LRP8: variants seen among roughly 807,000 people sequenced by gnomAD.
LRP8 encodes low-density lipoprotein receptor-related protein 8.
A neutral mutation model predicts 111.6 loss-of-function variants in LRP8; 46 were observed. That is an observed-to-expected ratio of 0.41 (90% CI 0.33 to 0.53). LRP8 has a LOEUF of 0.53. LRP8 is among the 20% of genes least tolerant of loss of function. The pLI, the probability that LRP8 is intolerant of heterozygous loss-of-function variation, is 0.20. For missense variants in LRP8, 959 were observed against 1,297.4 expected, an observed-to-expected ratio of 0.74 and a Z score of 4.01; for synonymous variants, 464 against 511.2, an observed-to-expected ratio of 0.91 and a Z score of 1.24.
intron 6 of LRP8, 53 bp from the exon 7 acceptor site, chr1:53,271,399 C>CTAGGACCTAGAGCCCAGG: frequency 6.2e-7 from 1 of 1,609,904 alleles, no homozygotes; most frequent in South Asian, 1.1e-5. Context: ...GGAGTGGGGG[C>CTAGGACCTAGAGCCCAGG]AGGGCAGGGG....
At chr1:53,289,781 T>C in intron 2 of LRP8, 92 bp from the exon 3 acceptor site, 1 of 1,537,112 alleles carries the variant, frequency 6.5e-7, no homozygotes, top group Non-Finnish European at 8.8e-7. Flanking sequence ...AACCAGGCCA[T>C]GGACTGCCTT....
intron 2 of LRP8, among the ~76,000 whole-genome samples, chr1:53,290,399 G>A (rs768668420): frequency 6.6e-6 from 1 of 152,142 alleles, no homozygotes; most frequent in Admixed American, 6.5e-5. Context: ...GACAAAAGGC[G>A]GTGAGGAGGA....
intron 13 of LRP8, among the ~76,000 whole-genome samples, chr1:53,258,769 G>T (rs938284436): frequency 6.6e-6 from 1 of 150,430 alleles, no homozygotes; most frequent in African/African-American, 2.5e-5. Context: ...CTCTAGCCCC[G>T]CTATTACCTT....
chr1:53,265,628 G>T (rs1001785326), intron 9 of LRP8, among the ~76,000 whole-genome samples: 2 of 152,108 alleles, frequency 1.3e-5, no homozygotes, highest in African/African-American at 4.8e-5. Flanking sequence ...TATGTTTTTG[G>T]GTGTGTGTGA....
At chr1:53,298,968 CCT>C (rs1650278634) in intron 2 of LRP8, among the ~76,000 whole-genome samples, 1 of 152,264 alleles carries the variant, frequency 6.6e-6, no homozygotes, top group African/African-American at 2.4e-5. Context: ...AAGGGGCAGG[CCT>C]CTCTGGGCTC....
rs1389447767 is a variant in LRP8, at chr1:53,264,245, C to G, written c.1579G>C (p.Asp527His). 27 of 1,614,064 alleles carry G rather than the reference C, an allele frequency of 1.7e-5. No individual in the cohort carries two copies. Among genetic ancestry groups the G allele is most frequent in the Middle Eastern group, 1.6e-4 (1 of 6,082 alleles). ...AAGAGAGTGCGTCGGCGGCCACCATCAACTGTGGCCACTGAGATGGTCTTA... is the reference window on the plus strand; with the variant it reads ...AAGAGAGTGCGTCGGCGGCCACCATGAACTGTGGCCACTGAGATGGTCTTA... ...GNKTISVATV[D>H]GGRRRTLFSR... The change falls in exon 10 of 19, where the codon GAT becomes CAT. Residue 527 changes from aspartate (D) to histidine (H), a missense_variant. This residue lies in a region of LRP8 where 819 missense variants were observed against 1,097.6 expected (regional missense o/e 0.75). Transcript: ENST00000306052.
At position 53,277,089 on chromosome 1, in the gene LRP8, C is replaced by T; in HGVS notation, c.497-11G>A. On this transcript the variant is annotated splice_polypyrimidine_tract_variant and intron_variant, in intron 4 of 18. Coordinates refer to ENST00000306052, the MANE Select transcript of LRP8 (RefSeq NM_004631.5). Reference sequence around the variant, plus strand: ...CGTGCGGGGCGCACACTGCGCGGGACAGAGAGCCGGTCGGCCCGCCGACCC... The same window carrying T: ...CGTGCGGGGCGCACACTGCGCGGGATAGAGAGCCGGTCGGCCCGCCGACCC... 6.7e-7 allele frequency: 1 copy of T among 1,486,218 alleles called. No individual in the cohort carries two copies. Among genetic ancestry groups the T allele is most frequent in the Middle Eastern group, 2.3e-4 (1 of 4,286 alleles). 92.1% of individuals were successfully genotyped at this position (1,486,218 alleles called of 1,614,324 possible).
intron 3 of LRP8, among the ~76,000 whole-genome samples, chr1:53,286,177 G>T (rs995548427): frequency 1.3e-5 from 2 of 152,208 alleles, no homozygotes; most frequent in Non-Finnish European, 2.9e-5. Context: ...GGCTCCGGTG[G>T]TGAGAACTGC....
At chr1:53,319,691 G>T (rs932808148) in intron 2 of LRP8, among the ~76,000 whole-genome samples, 8 of 152,246 alleles carry the variant, frequency 5.3e-5, no homozygotes, top group Non-Finnish European at 1.2e-4. Flanking sequence ...CGGCTGCGGG[G>T]TGATTACTGG....
rs1364989952 is a variant in LRP8, at chr1:53,250,126, A to G, written c.2676+564T>C. Among the ~76,000 whole-genome samples, 3 of 152,230 alleles carry G rather than the reference A, an allele frequency of 2.0e-5. No individual in the cohort carries two copies. Among genetic ancestry groups the G allele is most frequent in the African/African-American group, 4.8e-5 (2 of 41,462 alleles). On this transcript the variant is annotated intron_variant, in intron 17 of 18. Transcript: ENST00000306052. The surrounding 1 kb of genome is among the most constrained non-coding windows in gnomAD (Gnocchi z 4.6). ...ATTCAGCACACAATTATACCACTGT[A>G]TGTTAGTATCTCTAACTCCCTACCA...
At chr1:53,312,973 T>C (rs1011608748) in intron 2 of LRP8, among the ~76,000 whole-genome samples, 1 of 152,222 alleles carries the variant, frequency 6.6e-6, no homozygotes, top group African/African-American at 2.4e-5. Context: ...GCTCACCCCT[T>C]GCTCCTGTGA....
chr1:53,310,493 C>T (rs1239032219), intron 2 of LRP8, among the ~76,000 whole-genome samples: 2 of 152,222 alleles, frequency 1.3e-5, no homozygotes, highest in Non-Finnish European at 2.9e-5. Context: ...CTGCCTGGCA[C>T]AGTGAGGGCT....
rs1371923906 is a variant in LRP8 at position 53,289,436 on chromosome 1, A to T, written c.367+131T>A. On this transcript the variant is annotated intron_variant, in intron 3 of 18. Coordinates refer to ENST00000306052, the MANE Select transcript of LRP8 (RefSeq NM_004631.5). ...AACCAGCAACTAAATATATCTGTTT[A>T]CCAGGAGCGCCCTGAGTGCGTGGCA... is the stretch of plus-strand genomic sequence containing the variant. 6 of 1,268,470 alleles carry T rather than the reference A, an allele frequency of 4.7e-6. No homozygotes were observed. The Admixed American group carries it at 1.1e-4, about 22-fold the overall frequency. 78.6% of individuals were successfully genotyped at this position (1,268,470 alleles called of 1,614,324 possible). A position where few individuals can be genotyped will look rare whatever the true frequency, so the allele number is the denominator to read the frequency against.
Position 53,246,914 on chromosome 1 carries a change from T to C in LRP8, c.*104A>G. 4 of 1,014,904 alleles carry C rather than the reference T, an allele frequency of 3.9e-6. No individual in the cohort carries two copies. The South Asian group carries it at 6.2e-5, about 16-fold the overall frequency. 62.9% of individuals were successfully genotyped at this position (1,014,904 alleles called of 1,614,324 possible). On this transcript the variant is annotated 3_prime_UTR_variant, in exon 19 of 19. Coordinates refer to ENST00000306052, the MANE Select transcript of LRP8 (RefSeq NM_004631.5). ...AAAAAAATCACACACACACATACAC[T>C]CACACAGACCCATATATAGAAACCC...
chr1:53,291,039 T>C lies in LRP8; in HGVS notation c.245-1350A>G, dbSNP rs571332829. Among the ~76,000 whole-genome samples, 4 of 152,312 alleles carry C rather than the reference T, an allele frequency of 2.6e-5. No individual in the cohort carries two copies. In the South Asian group the frequency reaches 8.3e-4, roughly 32 times the overall value. On this transcript the variant is annotated intron_variant, in intron 2 of 18. Coordinates refer to ENST00000306052, the MANE Select transcript of LRP8 (RefSeq NM_004631.5). ...CAGAACAAGGTGAGGAAGAGAGCAC[T>C]GGGCAGGGAGTCCGGAGGTCTGGAT...
intron 3 of LRP8, chr1:53,288,051 C>T (rs1336431438): frequency 2.0e-5 from 3 of 152,260 alleles, no homozygotes; most frequent in Admixed American, 1.3e-4. Flanking sequence ...CCTCTGATAA[C>T]CACGATGAGG....
At chr1:53,277,729 A>G (rs1451355686) in intron 4 of LRP8, among the ~76,000 whole-genome samples, 1 of 151,660 alleles carries the variant, frequency 6.6e-6, no homozygotes, top group African/African-American at 2.4e-5. Flanking sequence ...CCCAAATTCC[A>G]CCTCTTCCAT....
Position 53,250,749 on chromosome 1 carries a change from C to A in LRP8, c.2617G>T (p.Glu873Ter). 6.2e-7 allele frequency: 1 copy of A among 1,614,140 alleles called. No homozygotes were observed. The highest frequency in any genetic ancestry group is 8.5e-7 in the Non-Finnish European group (1 of 1,179,994). The change falls in exon 17 of 19, where the codon GAA (glutamate) becomes TAA (stop). Residue 873 changes from glutamate to a stop codon, truncating the protein, a stop_gained. Coordinates refer to ENST00000306052, the MANE Select transcript of LRP8 (RefSeq NM_004631.5). LOFTEE classifies it high-confidence loss of function. The surrounding 1 kb of genome is among the most constrained non-coding windows in gnomAD (Gnocchi z 4.6). Reference protein sequence around the residue: ...NPVYRKTTEEEDEDELHIGRT... With the variant: ...NPVYRKTTEE Reference sequence around the variant, plus strand: ...CCTATATGGAGCTCATCTTCGTCTTCTTCTTCTGTTGTTTTCCTGTAGACT... The same window carrying A: ...CCTATATGGAGCTCATCTTCGTCTTATTCTTCTGTTGTTTTCCTGTAGACT...
chr1:53,285,770 C>G (rs1257340935), intron 3 of LRP8, among the ~76,000 whole-genome samples: 1 of 152,206 alleles, frequency 6.6e-6, no homozygotes, highest in South Asian at 2.1e-4. Flanking sequence ...CAGCCACTCC[C>G]TCTGTGACAG....
Sources: allele counts gnomAD v4.1 joint callset (sites outside exome capture counted in the v4.1 genomes callset), GRCh38; gene constraint gnomAD v4.1.1; regional missense constraint gnomAD v4.1.1; non-coding constraint Gnocchi (gnomAD v3.1); transcripts MANE v1.5; gene names NCBI Gene and HGNC (gene_info 2026-07-23, HGNC 2026-07-21).